Variants in SYNE3 observed in about 807,000 individuals in gnomAD.
The protein encoded by SYNE3 is spectrin repeat containing nuclear envelope family member 3, also known as nesprin-3.
In SYNE3, 100 loss-of-function variants were observed where a neutral mutation model predicts 111.2. That is an observed-to-expected ratio of 0.90 (90% CI 0.77 to 1.06). The LOEUF (loss-of-function observed/expected upper bound fraction) is 1.06, where lower values mean the gene tolerates loss of function less well. Among genes scored for constraint, SYNE3 ranks in the 50% least tolerant of loss-of-function variants. The probability of loss-of-function intolerance (pLI) is 0.00; values close to 1 mark genes in which losing one functional copy is unlikely to be tolerated. For synonymous variants in SYNE3, 547 were observed against 533.9 expected, an observed-to-expected ratio of 1.02 and a Z score of -0.34; for missense variants, 1,160 against 1,240.3, an observed-to-expected ratio of 0.94 and a Z score of 0.97.
intron 1 of SYNE3, among the ~76,000 whole-genome samples, chr14:95,481,807 T>C (rs1889274138): frequency 6.6e-6 from 1 of 152,226 alleles, no homozygotes; most frequent in Non-Finnish European, 1.5e-5. Flanking sequence ...ATTCCAGGCC[T>C]GAAAGCAATT....
At chr14:95,458,673 C>T (rs1887609562) in intron 4 of SYNE3, among the ~76,000 whole-genome samples, 1 of 152,200 alleles carries the variant, frequency 6.6e-6, no homozygotes, top group Non-Finnish European at 1.5e-5. Context: ...AGCAGTTGTC[C>T]ATGGCATCGT....
At chr14:95,479,552 A>G (rs1265494171) in intron 1 of SYNE3, among the ~76,000 whole-genome samples, 1 of 152,084 alleles carries the variant, frequency 6.6e-6, no homozygotes, top group East Asian at 1.9e-4. Context: ...TTACCAGCTG[A>G]TAGACTAATG....
rs1393983827 is a variant in SYNE3, at chr14:95,470,533, C to A, written c.145-2566G>T. ...AGGCACAGTGGCATATGCCTGTAGT[C>A]CTAGTTACTCAAGAGGCTGAGGCAG... On this transcript the variant is annotated intron_variant, in intron 2 of 17. Transcript: ENST00000682763. This position sits in a 1 kb window ranked among gnomAD's most constrained non-coding sequence, Gnocchi z 4.2. Among the ~76,000 whole-genome samples the A allele has an allele frequency of 6.6e-6, 1 of 151,646 alleles. No homozygotes were observed. Among genetic ancestry groups the A allele is most frequent in the East Asian group, 1.9e-4 (1 of 5,170 alleles).
At chr14:95,482,130 AG>A (rs1403160120) in intron 1 of SYNE3, among the ~76,000 whole-genome samples, 1 of 152,186 alleles carries the variant, frequency 6.6e-6, no homozygotes, top group Admixed American at 6.5e-5. Context: ...ACACCCTAAC[AG>A]CAGTTTTTAA....
intron 1 of SYNE3, among the ~76,000 whole-genome samples, chr14:95,514,100 T>C (rs902796489): frequency 5.3e-5 from 8 of 152,170 alleles, no homozygotes; most frequent in African/African-American, 1.9e-4. Context: ...TAGGCTTCTC[T>C]AGAACCCTTC....
intron 1 of SYNE3, among the ~76,000 whole-genome samples, chr14:95,502,199 G>T (rs569761645): frequency 6.6e-6 from 1 of 152,030 alleles, no homozygotes; most frequent in African/African-American, 2.4e-5. Context: ...GGGACAGTTG[G>T]TCACACCAAC....
intron 2 of SYNE3, among the ~76,000 whole-genome samples, chr14:95,473,044 G>A (rs996616884): frequency 3.9e-5 from 6 of 152,320 alleles, no homozygotes; most frequent in African/African-American, 1.2e-4. Context: ...TGGGTAGGTC[G>A]AGAGGCACTA....
intron 1 of SYNE3, among the ~76,000 whole-genome samples, chr14:95,501,728 G>A (rs75089218): frequency 0.019 from 2,954 of 151,998 alleles, 86 homozygotes; most frequent in African/African-American, 0.068. Flanking sequence ...AGGGCATGGG[G>A]GGAAGCAACA....
chr14:95,468,683 G>A (rs1888342613), intron 2 of SYNE3, among the ~76,000 whole-genome samples: 1 of 152,166 alleles, frequency 6.6e-6, no homozygotes, highest in African/African-American at 2.4e-5. Context: ...GATCATATCT[G>A]CATCCCTCTG....
chr14:95,443,068 C>A, intron 11 of SYNE3, 87 bp downstream of exon 11: 1 of 1,514,086 alleles, frequency 6.6e-7, no homozygotes, highest in South Asian at 1.2e-5. Context: ...GGAATGAAGG[C>A]AGGAAAGGGG....
intron 4 of SYNE3, among the ~76,000 whole-genome samples, chr14:95,465,369 G>A (rs1566671766): frequency 6.6e-6 from 1 of 152,164 alleles, no homozygotes; most frequent in Non-Finnish European, 1.5e-5. Context: ...GAGTTGGTAG[G>A]TGAGGATTGG....
intron 15 of SYNE3, among the ~76,000 whole-genome samples, chr14:95,434,765 C>A (rs542436384): frequency 1.3e-5 from 2 of 152,174 alleles, no homozygotes; most frequent in Non-Finnish European, 2.9e-5. Flanking sequence ...TCAAGCAATT[C>A]TCCTGCCTTA....
intron 17 of SYNE3, among the ~76,000 whole-genome samples, chr14:95,418,866 T>G (rs992720562): frequency 2.6e-5 from 4 of 152,176 alleles, no homozygotes; most frequent in Non-Finnish European, 4.4e-5. Flanking sequence ...CCTCCCAAAG[T>G]GCTGGGATTA....
chr14:95,481,500 G>A (rs1385973147), intron 1 of SYNE3, among the ~76,000 whole-genome samples: 4 of 152,182 alleles, frequency 2.6e-5, no homozygotes, highest in African/African-American at 4.8e-5. Context: ...ACCCATGTTG[G>A]GGGCCGCTGA....
intron 2 of SYNE3, among the ~76,000 whole-genome samples, chr14:95,472,060 T>C (rs922566837): frequency 6.6e-6 from 1 of 152,146 alleles, no homozygotes; most frequent in African/African-American, 2.4e-5. Flanking sequence ...CAAAGTAGTA[T>C]GAGAGCTCAG....
intron 4 of SYNE3, among the ~76,000 whole-genome samples, chr14:95,458,004 G>T (rs111507592): frequency 0.03 from 4,563 of 152,284 alleles, 250 homozygotes; most frequent in African/African-American, 0.1. Context: ...TGCATGGGTT[G>T]GAATCATCTC....
At chr14:95,437,264 T>G (rs886279193) in intron 14 of SYNE3, among the ~76,000 whole-genome samples, 1 of 152,240 alleles carries the variant, frequency 6.6e-6, no homozygotes, top group African/African-American at 2.4e-5. Flanking sequence ...TCCACCATGC[T>G]TGCCCCCTCG....
intron 1 of SYNE3, among the ~76,000 whole-genome samples, chr14:95,477,605 A>G (rs978132026): frequency 2.0e-5 from 3 of 152,124 alleles, no homozygotes; most frequent in Non-Finnish European, 4.4e-5. Context: ...AGAGAAGGAG[A>G]AAATGGAAGA....
intron 10 of SYNE3, chr14:95,444,235 T>C (rs1886572185): frequency 2.0e-6 from 1 of 489,314 alleles, no homozygotes; most frequent in Non-Finnish European, 3.5e-6. Context: ...TGTTAGACTT[T>C]GGAACTGAGG....
Sources: gnomAD v4.1 joint callset for allele counts (sites outside exome capture counted in the v4.1 genomes callset) on GRCh38, gnomAD v4.1.1 for gene constraint, Gnocchi (gnomAD v3.1) non-coding constraint, MANE v1.5 for transcripts, NCBI Gene and HGNC (gene_info 2026-07-23, HGNC 2026-07-21) for gene names.